ZCCHC7: variants seen among roughly 807,000 people sequenced by gnomAD.
ZCCHC7 encodes zinc finger CCHC-type containing 7, also known as zinc finger CCHC domain-containing protein 7.
In ZCCHC7, 35 loss-of-function variants were observed where a neutral mutation model predicts 52.0. The ratio of observed to expected loss-of-function variants is 0.67; its 90% CI spans 0.51 to 0.89. The LOEUF (loss-of-function observed/expected upper bound fraction) is 0.89, where lower values mean the gene tolerates loss of function less well. ZCCHC7 is among the 40% of genes least tolerant of loss of function. The pLI, the probability that ZCCHC7 is intolerant of heterozygous loss-of-function variation, is 0.00. For missense variants in ZCCHC7, 574 were observed against 649.1 expected (o/e 0.88, Z 1.26); for synonymous variants, 217 against 221.5 (o/e 0.98, Z 0.18).
intron 6 of ZCCHC7, among the ~76,000 whole-genome samples, chr9:37,330,917 G>C (rs1830426253): frequency 6.6e-6 from 1 of 151,820 alleles, no homozygotes; most frequent in Non-Finnish European, 1.5e-5. Context: ...TTTGACATGA[G>C]TTGGACATTT....
chr9:37,224,976 A>G (rs1825020927), intron 2 of ZCCHC7, among the ~76,000 whole-genome samples: 1 of 152,238 alleles, frequency 6.6e-6, no homozygotes, highest in Non-Finnish European at 1.5e-5. Flanking sequence ...TTTTGGCAGT[A>G]AAGCTGAAGA....
chr9:37,342,575 A>G (rs570096915), intron 6 of ZCCHC7, among the ~76,000 whole-genome samples: 2 of 152,350 alleles, frequency 1.3e-5, no homozygotes, highest in Non-Finnish European at 2.9e-5. Flanking sequence ...ATAGAAGCCA[A>G]CAAAGGAGAC....
intron 2 of ZCCHC7, among the ~76,000 whole-genome samples, chr9:37,299,856 A>C (rs1339304159): frequency 6.6e-6 from 1 of 152,254 alleles, no homozygotes. Flanking sequence ...TTGTTAGTAC[A>C]GTTGACCCTT....
At chr9:37,178,751 G>C (rs972653311) in intron 2 of ZCCHC7, among the ~76,000 whole-genome samples, 7 of 152,158 alleles carry the variant, frequency 4.6e-5, no homozygotes, top group Non-Finnish European at 8.8e-5. Context: ...TAAGAAACAC[G>C]TAAAATAGCC....
chr9:37,180,238 G>T (rs1822275659), intron 2 of ZCCHC7, among the ~76,000 whole-genome samples: 1 of 152,026 alleles, frequency 6.6e-6, no homozygotes. Context: ...AATGCTAATT[G>T]GTCTGTTTAT....
chr9:37,189,994 C>T (rs1346593799), intron 2 of ZCCHC7, among the ~76,000 whole-genome samples: 1 of 152,176 alleles, frequency 6.6e-6, no homozygotes. Flanking sequence ...CATAATCTCT[C>T]TGGTACTTTT....
intron 6 of ZCCHC7, among the ~76,000 whole-genome samples, chr9:37,338,820 A>G (rs57516883): frequency 0.011 from 1,615 of 152,216 alleles, 33 homozygotes; most frequent in African/African-American, 0.036. Context: ...AAAAGCATAC[A>G]TGTCTGTTGC....
chr9:37,283,572 A>G (rs963428074), intron 2 of ZCCHC7, among the ~76,000 whole-genome samples: 1 of 152,122 alleles, frequency 6.6e-6, no homozygotes, highest in African/African-American at 2.4e-5. Flanking sequence ...TTTTCCTATT[A>G]TGACTTTAAT....
intron 2 of ZCCHC7, among the ~76,000 whole-genome samples, chr9:37,248,518 A>G (rs759911994): frequency 2.0e-5 from 3 of 152,152 alleles, no homozygotes; most frequent in South Asian, 2.1e-4. Context: ...TTCCTACCCA[A>G]TAACATTGTT....
chr9:37,186,965 G>T, intron 2 of ZCCHC7: 1 of 278,440 alleles, frequency 3.6e-6, no homozygotes. Flanking sequence ...CGAATATCTT[G>T]TCATTCTAAA....
intron 2 of ZCCHC7, among the ~76,000 whole-genome samples, chr9:37,137,730 T>C (rs970889008): frequency 2.6e-5 from 4 of 152,200 alleles, no homozygotes; most frequent in Non-Finnish European, 4.4e-5. Context: ...TCACTCCTCA[T>C]AGTTATGTTC....
intron 2 of ZCCHC7, among the ~76,000 whole-genome samples, chr9:37,199,789 T>C (rs574024201): frequency 6.6e-6 from 1 of 152,108 alleles, no homozygotes; most frequent in Admixed American, 6.5e-5. Context: ...CACTGCAAGC[T>C]CCACCTCCTG....
chr9:37,305,045 T>C (rs117243041), intron 4 of ZCCHC7, among the ~76,000 whole-genome samples: 1,981 of 152,362 alleles, frequency 0.013, 17 homozygotes, highest in Non-Finnish European at 0.019. Context: ...CATCAACCTT[T>C]GGAACAACAC....
In ZCCHC7 at chr9:37,130,492, A is replaced by AT. The variant is rs752923921; in HGVS notation, c.610+3568dup. On this transcript the variant is annotated intron_variant, in intron 2 of 8. Transcript: ENST00000336755. ...GTGTGAACACAGCTTTGAAATCTCA[A>AT]TTTTTTTTTTTTTTTTTTGAGACAG... Among the ~76,000 whole-genome samples the AT allele has an allele frequency of 9.0e-3, 1,168 of 129,946 alleles. 8 individuals carry two copies. The highest frequency in any genetic ancestry group is 0.012 in the Non-Finnish European group (721 of 59,786). 85.2% of individuals were successfully genotyped at this position (129,946 alleles called of 152,430 possible).
intron 2 of ZCCHC7, among the ~76,000 whole-genome samples, chr9:37,254,837 C>CTTTTTTTTTTTTTTTTTTTTTTT (rs59489076): frequency 3.4e-4 from 32 of 93,458 alleles, no homozygotes; most frequent in Middle Eastern, 0.011. Context: ...CAAAAAGTTT[C>CTTTTTTTTTTTTTTTTTTTTTTT]TTTTTTTTTT....
rs1821584590 is a variant in ZCCHC7 at position 37,354,618 on chromosome 9, G to A, written c.1084-92G>A. ...CCACATGAGGTACCAGTGACATGGG[G>A]CTCATTTCTAATTAACATGCTCCAG... On this transcript the variant is annotated intron_variant, in intron 7 of 8. Transcript: ENST00000336755. The surrounding 1 kb of genome is among the most constrained non-coding windows in gnomAD (Gnocchi z 4.0). 1 of 860,938 alleles carries A rather than the reference G, an allele frequency of 1.2e-6. No homozygotes were observed. The allele number at this position is 860,938 out of a possible 1,614,324, so 53.3% of individuals were successfully genotyped here. A position where few individuals can be genotyped will look rare whatever the true frequency, so the allele number is the denominator to read the frequency against.
At chr9:37,293,033 A>C (rs1407645577) in intron 2 of ZCCHC7, among the ~76,000 whole-genome samples, 1 of 152,218 alleles carries the variant, frequency 6.6e-6, no homozygotes, top group African/African-American at 2.4e-5. Context: ...GATGCAAACA[A>C]ACCTGTTTTG....
chr9:37,322,636 G>C (rs1034920822), intron 5 of ZCCHC7, among the ~76,000 whole-genome samples: 6 of 149,454 alleles, frequency 4.0e-5, no homozygotes, highest in Non-Finnish European at 8.9e-5. Context: ...GACTTCGGCT[G>C]AATGTAAAAA....
At chr9:37,350,846 A>G (rs75176696) in intron 7 of ZCCHC7, among the ~76,000 whole-genome samples, 7,754 of 152,316 alleles carry the variant, frequency 0.051, 646 homozygotes, top group African/African-American at 0.17. Flanking sequence ...TTCTTAAAAA[A>G]GAATGTATTA....
Sources: allele counts gnomAD v4.1 joint callset (sites outside exome capture counted in the v4.1 genomes callset), GRCh38; gene constraint gnomAD v4.1.1; non-coding constraint Gnocchi (gnomAD v3.1); transcripts MANE v1.5; gene names NCBI Gene and HGNC (gene_info 2026-07-23, HGNC 2026-07-21).